ANKRD24: variants seen among roughly 807,000 people sequenced by gnomAD.
ANKRD24 encodes ankyrin repeat domain 24, also known as ankyrin repeat domain-containing protein 24.
A neutral mutation model predicts 127.8 loss-of-function variants in ANKRD24; 109 were observed. That is an observed-to-expected ratio of 0.85 (90% CI 0.73 to 1.00). The LOEUF (loss-of-function observed/expected upper bound fraction) is 1.00. Among genes scored for constraint, ANKRD24 ranks in the 50% least tolerant of loss-of-function variants. The pLI, the probability that ANKRD24 is intolerant of heterozygous loss-of-function variation, is 0.00. For synonymous variants in ANKRD24, 743 were observed against 671.1 expected, an observed-to-expected ratio of 1.11 and a Z score of -1.66; for missense variants, 1,648 against 1,570.2, an observed-to-expected ratio of 1.05 and a Z score of -0.84.
rs1364400956 is a variant in ANKRD24 at position 4,222,661 on chromosome 19, C to T, written c.3172-9C>T. On this transcript the variant is annotated splice_polypyrimidine_tract_variant and intron_variant, in intron 19 of 21. Transcript: ENST00000318934. ...TTAGGGTGATCGCTGACAGCACCTG[C>T]ACCCTCAGATCACAGAACTCTCCAA... The T allele has an allele frequency of 2.5e-6, 4 of 1,596,346 alleles. No individual in the cohort carries two copies. Among genetic ancestry groups the T allele is most frequent in the Middle Eastern group, 3.3e-4 (2 of 6,004 alleles).
At chr19:4,212,027 C>T (rs1405408498) in intron 13 of ANKRD24, among the ~76,000 whole-genome samples, 3 of 151,988 alleles carry the variant, frequency 2.0e-5, no homozygotes, top group African/African-American at 4.8e-5. Flanking sequence ...CGTGAAACCC[C>T]GTCTCTACTA....
intron 18 of ANKRD24, among the ~76,000 whole-genome samples, chr19:4,219,201 G>T (rs573336185): frequency 6.6e-6 from 1 of 151,980 alleles, no homozygotes; most frequent in East Asian, 1.9e-4. Context: ...CAGGAGAATC[G>T]CTTGAACCCG....
At chr19:4,219,242 C>T (rs1484971103) in intron 18 of ANKRD24, among the ~76,000 whole-genome samples, 1 of 151,886 alleles carries the variant, frequency 6.6e-6, no homozygotes, top group African/African-American at 2.4e-5. Flanking sequence ...GCTGAGATTA[C>T]ACCACTGCAC....
intron 1 of ANKRD24, among the ~76,000 whole-genome samples, chr19:4,184,938 G>C (rs116951892): frequency 1.3e-5 from 2 of 150,576 alleles, no homozygotes; most frequent in Non-Finnish European, 3.0e-5. Context: ...AAGGATCCAT[G>C]GATGGACTGG....
At position 4,182,706 on chromosome 19, in the gene ANKRD24, TG is replaced by T; in HGVS notation, c.-70del. Reference sequence around the variant, plus strand: ...CTGACGCCGCAGGCGACATGTTATCTGCTGTCAGAAGGAAGCCTGCCTCTTT... The same window carrying T: ...CTGACGCCGCAGGCGACATGTTATCTCTGTCAGAAGGAAGCCTGCCTCTTT... On this transcript the variant is annotated 5_prime_UTR_variant, in exon 1 of 22. Transcript: ENST00000318934. The T allele has an allele frequency of 7.1e-7, 1 of 1,410,854 alleles. No individual in the cohort carries two copies. The highest frequency in any genetic ancestry group is 9.3e-7 in the Non-Finnish European group (1 of 1,080,668). The allele number at this position is 1,410,854 out of a possible 1,614,324, so 87.4% of individuals were successfully genotyped here.
At chr19:4,188,669 T>A (rs1280224586) in intron 2 of ANKRD24, among the ~76,000 whole-genome samples, 1 of 152,068 alleles carries the variant, frequency 6.6e-6, no homozygotes, top group Non-Finnish European at 1.5e-5. Context: ...CGTGAGCCAC[T>A]GCGCCCAGCC....
intron 7 of ANKRD24, among the ~76,000 whole-genome samples, chr19:4,206,461 AATAAT>A (rs912621788): frequency 7.2e-5 from 11 of 151,748 alleles, no homozygotes; most frequent in South Asian, 4.2e-4. Context: ...AAAAAAATAA[AATAAT>A]ATAATATAAA....
intron 6 of ANKRD24, among the ~76,000 whole-genome samples, chr19:4,202,398 G>A (rs759045771): frequency 2.0e-5 from 3 of 151,928 alleles, no homozygotes; most frequent in Non-Finnish European, 2.9e-5. Flanking sequence ...GTGAAACCCC[G>A]TCTCTACTAA....
rs563794235 is a variant in ANKRD24, at chr19:4,184,193, C to T, written c.-37+1453C>T. 1.7e-3 allele frequency among the ~76,000 whole-genome samples: 264 copies of T among 152,314 alleles called. 5 individuals carry two copies. The highest frequency in any genetic ancestry group is 0.015 in the Admixed American group (223 of 15,306). On this transcript the variant is annotated intron_variant, in intron 1 of 21. Transcript: ENST00000318934. The stretch of plus-strand genomic sequence containing the variant: ...CCTGGGGCGGCCGCCTGCTCAGAGC[C>T]GATCAGGTGTCAGAGTGGAGCGGCT...
Position 4,216,351 on chromosome 19 carries a change from A to T in ANKRD24, c.1338A>T (p.Glu446Asp), listed in dbSNP as rs1970069131. The T allele has an allele frequency of 6.4e-7, 1 of 1,573,922 alleles. No homozygotes were observed. The highest frequency in any genetic ancestry group is 8.6e-7 in the Non-Finnish European group (1 of 1,159,946). ...SAQEHLASLQ[E>D]QVAVLTRQNQ... is the part of the protein sequence containing the mutation. The stretch of plus-strand genomic sequence containing the variant: ...AGGAACACCTGGCCTCGCTGCAGGA[A>T]CAGGTGGCTGTGCTCACCAGACAGA... Residue 446 changes from glutamate to aspartate, a missense_variant, in exon 17 of 22, where the codon GAA becomes GAT. By Grantham distance (45) the Glu-to-Asp change is conservative. Coordinates refer to ENST00000318934, the MANE Select transcript of ANKRD24 (RefSeq NM_001393985.1).
intron 6 of ANKRD24, among the ~76,000 whole-genome samples, chr19:4,202,551 C>G (rs1045016915): frequency 1.3e-5 from 2 of 152,014 alleles, no homozygotes; most frequent in Non-Finnish European, 2.9e-5. Context: ...GCCTGGGCAA[C>G]AAGAGCGAAA....
chr19:4,195,494 A>AC lies in ANKRD24; in HGVS notation c.37-4184dup, dbSNP rs1270847451. The stretch of plus-strand genomic sequence containing the variant: ...CTGGAGAAGCTCAGAGGACCTCCCC[A>AC]CCCCCAAGGGTGGAAGGAGAGAAGA... On this transcript the variant is annotated intron_variant, in intron 2 of 21. Transcript: ENST00000318934. The surrounding 1 kb of genome is among the most constrained non-coding windows in gnomAD (Gnocchi z 4.2). Among the ~76,000 whole-genome samples the AC allele has an allele frequency of 1.3e-5, 2 of 151,784 alleles. No homozygotes were observed. Among genetic ancestry groups the AC allele is most frequent in the Non-Finnish European group, 2.9e-5 (2 of 67,952 alleles).
chr19:4,192,947 A>G (rs1297234962), intron 2 of ANKRD24, among the ~76,000 whole-genome samples: 2 of 151,806 alleles, frequency 1.3e-5, no homozygotes, highest in Non-Finnish European at 2.9e-5. Context: ...ATAAATAAAT[A>G]AATAAAAATA....
At chr19:4,189,220 A>AT (rs138450887) in intron 2 of ANKRD24, among the ~76,000 whole-genome samples, 2,800 of 89,476 alleles carry the variant, frequency 0.031, 116 homozygotes, top group East Asian at 0.23. Flanking sequence ...GATTCACTTT[A>AT]TTTTTTTTAA....
chr19:4,216,163 C>CA (rs1970054767), intron 16 of ANKRD24, 113 bp downstream of exon 16: 2 of 1,344,476 alleles, frequency 1.5e-6, no homozygotes, highest in Non-Finnish European at 2.1e-6. Context: ...TGTACTCATC[C>CA]GTTTTTTAAA....
chr19:4,217,449 G>A lies in ANKRD24; in HGVS notation c.2289G>A (p.Arg763=). The A allele has an allele frequency of 6.6e-7, 1 of 1,519,792 alleles. No homozygotes were observed. The highest frequency in any genetic ancestry group is 8.8e-7 in the Non-Finnish European group (1 of 1,135,412). 94.1% of individuals were successfully genotyped at this position (1,519,792 alleles called of 1,614,324 possible). ...AGGCCGCGGAGGCCGAGGCAGGCCG[G>A]CTGCGAGAGCGTGTCCGCGAGGCCG... is the stretch of plus-strand genomic sequence containing the variant. ...KCEAAEAEAG[R]LRERVREAEG... Residue 763 remains arginine (R), a synonymous_variant, in exon 18 of 22, where the codon CGG becomes CGA. Coordinates refer to ENST00000318934, the MANE Select transcript of ANKRD24 (RefSeq NM_001393985.1).
At chr19:4,222,316 G>T (rs759344604) in intron 19 of ANKRD24, among the ~76,000 whole-genome samples, 7 of 152,202 alleles carry the variant, frequency 4.6e-5, no homozygotes, top group Non-Finnish European at 1.0e-4. Flanking sequence ...TTGAACCTGG[G>T]AGGCGGAAGT....
In ANKRD24 at chr19:4,215,969, TC is replaced by T. The variant is rs1568337994; in HGVS notation, c.1198-3del. On this transcript the variant is annotated splice_polypyrimidine_tract_variant and splice_region_variant and intron_variant, in intron 15 of 21. Coordinates refer to ENST00000318934, the MANE Select transcript of ANKRD24 (RefSeq NM_001393985.1). ...GAACCCCGAGCTGGACTCTGCTCCC[TC>T]CCCCCAGAACGAGCGGGAGAATACT... 1.3e-6 allele frequency: 2 copies of T among 1,576,350 alleles called. No individual in the cohort carries two copies. The highest frequency in any genetic ancestry group is 8.6e-7 in the Non-Finnish European group (1 of 1,162,206).
intron 1 of ANKRD24, 21 bp from the exon 2 acceptor site, chr19:4,186,369 C>T (rs1968062924): frequency 6.4e-7 from 1 of 1,558,752 alleles, no homozygotes; most frequent in African/African-American, 1.4e-5. Flanking sequence ...CTCACCTTAC[C>T]CCCACCCTTG....
Sources: allele counts gnomAD v4.1 joint callset (sites outside exome capture counted in the v4.1 genomes callset), GRCh38; gene constraint gnomAD v4.1.1; non-coding constraint Gnocchi (gnomAD v3.1); transcripts MANE v1.5; gene names NCBI Gene and HGNC (gene_info 2026-07-23, HGNC 2026-07-21).